FCHSD2: variants seen among roughly 807,000 people sequenced by gnomAD.
The protein encoded by FCHSD2 is F-BAR and double SH3 domains protein 2.
In FCHSD2, 38 loss-of-function variants were observed where a neutral mutation model predicts 108.1. The observed-to-expected ratio is 0.35, with a 90% CI of 0.27 to 0.46. The LOEUF (loss-of-function observed/expected upper bound fraction) is 0.46. Among genes scored for constraint, FCHSD2 ranks in the 20% least tolerant of loss-of-function variants. The pLI, the probability that FCHSD2 is intolerant of heterozygous loss-of-function variation, is 1.00. For synonymous variants in FCHSD2, 279 were observed against 314.7 expected, an observed-to-expected ratio of 0.89 and a Z score of 1.20; for missense variants, 751 against 897.8, an observed-to-expected ratio of 0.84 and a Z score of 2.09.
chr11:73,047,577 A>G (rs1858798596), intron 3 of FCHSD2, among the ~76,000 whole-genome samples: 1 of 152,218 alleles, frequency 6.6e-6, no homozygotes, highest in Non-Finnish European at 1.5e-5. Context: ...CCTGAAATAA[A>G]GTATTAACCT....
rs1296130544 is a variant in FCHSD2, at chr11:72,837,543, C to T, written c.*1248G>A. On this transcript the variant is annotated 3_prime_UTR_variant, in exon 20 of 20. Coordinates refer to ENST00000409418, the MANE Select transcript of FCHSD2 (RefSeq NM_014824.3). Reference sequence around the variant, plus strand: ...TTGTGCTCCCTACCTTCTACAGGAGCGGACAGCAGACAGTCAGCACCTGAC... The same window carrying T: ...TTGTGCTCCCTACCTTCTACAGGAGTGGACAGCAGACAGTCAGCACCTGAC... 2.0e-5 allele frequency: 3 copies of T among 152,040 alleles called. No individual in the cohort carries two copies. The highest frequency in any genetic ancestry group is 1.3e-4 in the Admixed American group (2 of 15,276). The allele number at this position is 152,040 out of a possible 1,614,324, so 9.4% of individuals were successfully genotyped here.
At chr11:73,018,807 C>T (rs866154206) in intron 3 of FCHSD2, among the ~76,000 whole-genome samples, 1 of 152,138 alleles carries the variant, frequency 6.6e-6, no homozygotes, top group Non-Finnish European at 1.5e-5. Context: ...GGTAAAATTA[C>T]AGTCAAATTT....
chr11:72,842,882 C>T, intron 16 of FCHSD2, 41 bp from the exon 17 acceptor site: 9 of 1,538,686 alleles, frequency 5.8e-6, no homozygotes, highest in Non-Finnish European at 8.1e-6. Context: ...AGATAATTAA[C>T]AGCCGGTTGC....
At chr11:72,905,164 A>T (rs1301367891) in intron 9 of FCHSD2, among the ~76,000 whole-genome samples, 1 of 152,132 alleles carries the variant, frequency 6.6e-6, no homozygotes, top group East Asian at 1.9e-4. Context: ...GACAGGTTTA[A>T]TTTCTTCTGA....
At chr11:72,897,240 A>ATAGT (rs1238540356) in intron 10 of FCHSD2, among the ~76,000 whole-genome samples, 1 of 151,564 alleles carries the variant, frequency 6.6e-6, no homozygotes, top group African/African-American at 2.4e-5. Flanking sequence ...CAAATAAGGT[A>ATAGT]TAGTTGTCCT....
intron 8 of FCHSD2, among the ~76,000 whole-genome samples, chr11:72,959,839 T>C (rs1203122848): frequency 1.4e-5 from 2 of 145,802 alleles, no homozygotes; most frequent in Non-Finnish European, 3.0e-5. Context: ...ATTTCCCTGA[T>C]TTTAAGTTTC....
chr11:72,985,235 G>T, intron 6 of FCHSD2, 119 bp from the exon 7 acceptor site: 1 of 221,430 alleles, frequency 4.5e-6, no homozygotes. Context: ...CTCTAAAAAA[G>T]AATGAAAAAA....
intron 2 of FCHSD2, among the ~76,000 whole-genome samples, chr11:73,098,450 G>T (rs1860142215): frequency 6.6e-6 from 1 of 151,996 alleles, no homozygotes; most frequent in Non-Finnish European, 1.5e-5. Flanking sequence ...ACTGATAATT[G>T]CTTATAATCT....
chr11:72,921,801 C>T (rs760067435), intron 9 of FCHSD2, 27 bp downstream of exon 9: 1 of 1,595,418 alleles, frequency 6.3e-7, no homozygotes, highest in South Asian at 1.1e-5. Flanking sequence ...TTGGATAACA[C>T]TACACGTTGC....
chr11:73,007,363 G>A (rs1047139499), intron 4 of FCHSD2, among the ~76,000 whole-genome samples: 3 of 152,164 alleles, frequency 2.0e-5, no homozygotes, highest in African/African-American at 7.2e-5. Flanking sequence ...GCTCACGCAT[G>A]TAATCCCAGC....
At chr11:72,876,174 T>G (rs890850846) in intron 12 of FCHSD2, among the ~76,000 whole-genome samples, 3 of 151,772 alleles carry the variant, frequency 2.0e-5, no homozygotes, top group African/African-American at 7.3e-5. Flanking sequence ...AAAAGGAAAA[T>G]AAAATATTAG....
At chr11:73,070,299 ACT>A (rs1484572650) in intron 3 of FCHSD2, among the ~76,000 whole-genome samples, 2 of 151,880 alleles carry the variant, frequency 1.3e-5, no homozygotes, top group Admixed American at 1.3e-4. Context: ...ATCTCATACC[ACT>A]CTGTTTTACT....
At chr11:72,971,958 G>A (rs1857014156) in intron 8 of FCHSD2, among the ~76,000 whole-genome samples, 1 of 152,166 alleles carries the variant, frequency 6.6e-6, no homozygotes, top group Non-Finnish European at 1.5e-5. Context: ...TTGCAATTAT[G>A]ATAGTGACAA....
intron 8 of FCHSD2, among the ~76,000 whole-genome samples, chr11:72,932,619 T>C (rs982432638): frequency 4.6e-5 from 7 of 152,234 alleles, no homozygotes; most frequent in African/African-American, 1.7e-4. Flanking sequence ...TTTGGCTCAC[T>C]CTTATCAGCC....
intron 2 of FCHSD2, among the ~76,000 whole-genome samples, chr11:73,088,523 T>A (rs1037173919): frequency 1.1e-4 from 16 of 152,162 alleles, no homozygotes; most frequent in Non-Finnish European, 1.3e-4. Context: ...TGGGTCATGG[T>A]ATTATAGGCT....
intron 9 of FCHSD2, among the ~76,000 whole-genome samples, chr11:72,910,142 G>A (rs533122051): frequency 3.8e-4 from 55 of 146,510 alleles, no homozygotes; most frequent in Non-Finnish European, 6.9e-4. Flanking sequence ...ACCTCTGCCC[G>A]GCTGCCCCAT....
intron 8 of FCHSD2, among the ~76,000 whole-genome samples, chr11:72,980,551 C>A (rs78984730): frequency 6.6e-6 from 1 of 151,630 alleles, no homozygotes; most frequent in Non-Finnish European, 1.5e-5. Flanking sequence ...AGGATAATGC[C>A]AAGGCAATAT....
intron 10 of FCHSD2, among the ~76,000 whole-genome samples, chr11:72,895,368 T>C (rs956433835): frequency 2.0e-5 from 3 of 152,144 alleles, no homozygotes; most frequent in African/African-American, 2.4e-5. Flanking sequence ...TGTCCCTGAG[T>C]AATGACATGA....
intron 3 of FCHSD2, among the ~76,000 whole-genome samples, chr11:73,052,813 GT>G (rs1422755802): frequency 6.6e-6 from 1 of 152,092 alleles, no homozygotes; most frequent in Non-Finnish European, 1.5e-5. Flanking sequence ...GAAAAGATCA[GT>G]TTCTACAGAT....
Sources: allele counts gnomAD v4.1 joint callset (sites outside exome capture counted in the v4.1 genomes callset), GRCh38; gene constraint gnomAD v4.1.1; transcripts MANE v1.5; gene names NCBI Gene and HGNC (gene_info 2026-07-23, HGNC 2026-07-21).